The following CHD8 variants were observed in gnomAD, a reference collection of about 807,000 sequenced individuals.
CHD8 encodes the protein chromodomain helicase DNA binding protein 8, also known as ATP-dependent chromatin remodeler CHD8.
A neutral mutation model predicts 279.2 loss-of-function variants in CHD8; 31 were observed. The ratio of observed to expected loss-of-function variants is 0.11; its 90% CI spans 0.08 to 0.15. The LOEUF (loss-of-function observed/expected upper bound fraction) is 0.15, where lower values mean the gene tolerates loss of function less well. Ranked by LOEUF, CHD8 falls within the 10% of genes least tolerant of loss-of-function variation. CHD8 has a pLI of 1.00. For synonymous variants in CHD8, 1,081 were observed against 1,139.6 expected, an observed-to-expected ratio of 0.95 and a Z score of 1.04; for missense variants, 2,146 against 3,230.5, an observed-to-expected ratio of 0.66 and a Z score of 8.14.
At chr14:21,450,685 GA>G (rs35883887) in intron 1 of CHD8, among the ~76,000 whole-genome samples, 3,583 of 146,394 alleles carry the variant, frequency 0.024, 41 homozygotes, top group South Asian at 0.077. Flanking sequence ...CAGAAAAAAA[GA>G]AAAAAAAAAG....
At chr14:21,415,044 G>C in intron 7 of CHD8, 51 bp from the exon 8 acceptor site, 2 of 1,283,088 alleles carry the variant, frequency 1.6e-6, no homozygotes, top group Non-Finnish European at 2.2e-6. Flanking sequence ...GTAAAAGAAT[G>C]AACTTTTTAA....
chr14:21,434,261 T>C (rs1319424810), intron 1 of CHD8, among the ~76,000 whole-genome samples: 1 of 152,060 alleles, frequency 6.6e-6, no homozygotes, highest in Non-Finnish European at 1.5e-5. Flanking sequence ...GTCAGACTGG[T>C]CTCGGACTCT....
At chr14:21,444,703 T>C (rs1032332495) in intron 1 of CHD8, among the ~76,000 whole-genome samples, 1 of 151,832 alleles carries the variant, frequency 6.6e-6, no homozygotes, top group African/African-American at 2.4e-5. Context: ...AACCACTTTT[T>C]TAAAAAAAAA....
intron 1 of CHD8, chr14:21,437,207 G>GGGGGGCCGGTTCGCCCCTCTCC: frequency 8.5e-7 from 1 of 1,181,024 alleles, no homozygotes; most frequent in Non-Finnish European, 1.1e-6. Flanking sequence ...CAGTGGCTGT[G>GGGGGGCCGGTTCGCCCCTCTCC]GGGGGCCGGT....
At chr14:21,437,096 C>A in intron 1 of CHD8, 1 of 838,970 alleles carries the variant, frequency 1.2e-6, no homozygotes, top group South Asian at 1.5e-5. Flanking sequence ...GGGATAGGAG[C>A]AATGTTAGGG....
chr14:21,405,323 A>G lies in CHD8; in HGVS notation c.3193T>C (p.Leu1065=), dbSNP rs374551016. 6 of 1,609,796 alleles carry G rather than the reference A, an allele frequency of 3.7e-6. No homozygotes were observed. The highest frequency in any genetic ancestry group is 5.1e-6 in the Non-Finnish European group (6 of 1,177,702). ...NIQKKYYRAI[L]EKNFSFLSKG... is the part of the protein sequence containing the mutation. ...GAAAGGAAGGAGAAATTCTTCTCCAAAATAGCCCGATAGTATTTCTTCTGG... is the reference window on the plus strand; with the variant it reads ...GAAAGGAAGGAGAAATTCTTCTCCAGAATAGCCCGATAGTATTTCTTCTGG... The change falls in exon 16 of 38, where the codon TTG becomes CTG. Residue 1065 remains leucine (L), a synonymous_variant. Coordinates refer to ENST00000646647, the MANE Select transcript of CHD8 (RefSeq NM_001170629.2). The surrounding 1 kb of genome is among the most constrained non-coding windows in gnomAD (Gnocchi z 4.2).
chr14:21,385,874 G>A lies in CHD8; in HGVS notation c.7485C>T (p.His2495=). The part of the protein sequence containing the change: ...HVDSSTMLHH[H]HHHPHPHHHH... ...GATGGTGGGGGTGGGGGTGGTGGTG[G>A]TGGTGATGAAGCATGGTGCTGGAGT... is the stretch of plus-strand genomic sequence containing the variant. The change falls in exon 38 of 38, where the codon CAC becomes CAT. Residue 2495 remains histidine (H), a synonymous_variant. Coordinates refer to ENST00000646647, the MANE Select transcript of CHD8 (RefSeq NM_001170629.2). The A allele has an allele frequency of 4.5e-6, 7 of 1,550,458 alleles. No homozygotes were observed. Among genetic ancestry groups the A allele is most frequent in the Non-Finnish European group, 6.1e-6 (7 of 1,146,964 alleles).
At chr14:21,411,199 A>T (rs1428610569) in intron 10 of CHD8, among the ~76,000 whole-genome samples, 1 of 152,212 alleles carries the variant, frequency 6.6e-6, no homozygotes, top group South Asian at 2.1e-4. Flanking sequence ...ATCCTGAAAA[A>T]TGATAAGAAT....
chr14:21,394,463 C>G lies in CHD8; in HGVS notation c.5413G>C (p.Asp1805His). The G allele has an allele frequency of 6.2e-7, 1 of 1,604,092 alleles. No individual in the cohort carries two copies. Among genetic ancestry groups the G allele is most frequent in the South Asian group, 1.1e-5 (1 of 89,808 alleles). ...QQRWTRREQT[D>H]FYRVVSTFGV... ...AACGTAGACACCACTCGATAAAAAT[C>G]AGTTTGTTCACGCCTTGTCCATCTA... The change falls in exon 31 of 38, where the codon GAT becomes CAT. Residue 1805 changes from aspartate to histidine, a missense_variant. This residue lies in a region of CHD8 where 513 missense variants were observed against 637.6 expected (regional missense o/e 0.80). Coordinates refer to ENST00000646647, the MANE Select transcript of CHD8 (RefSeq NM_001170629.2).
chr14:21,391,005 T>A lies in CHD8; in HGVS notation c.7124A>T (p.Glu2375Val). ...TGGTTCCATTCCCAAACAGTTCAAT[T>A]CTGCCTTATTATTTTTTTTACATCT... is the stretch of plus-strand genomic sequence containing the variant. ...WQRCKKNNKA[E>V]LNCLGMEPVQ... is the part of the protein sequence containing the mutation. The change falls in exon 37 of 38, where the codon GAA (glutamate) becomes GTA (valine). Residue 2375 changes from glutamate to valine, a missense_variant. Coordinates refer to ENST00000646647, the MANE Select transcript of CHD8 (RefSeq NM_001170629.2). 6.2e-7 allele frequency: 1 copy of A among 1,606,002 alleles called. No individual in the cohort carries two copies. The highest frequency in any genetic ancestry group is 8.5e-7 in the Non-Finnish European group (1 of 1,175,974).
At position 21,431,466 on chromosome 14, in the gene CHD8, T is replaced by C; in HGVS notation, c.178A>G (p.Asn60Asp). 1 of 1,536,492 alleles carries C rather than the reference T, an allele frequency of 6.5e-7. No homozygotes were observed. Among genetic ancestry groups the C allele is most frequent in the Non-Finnish European group, 8.7e-7 (1 of 1,146,522 alleles). The change falls in exon 2 of 38, where the codon AAT (asparagine) becomes GAT (aspartate). Residue 60 changes from asparagine (N) to aspartate (D), a missense_variant. Coordinates refer to ENST00000646647, the MANE Select transcript of CHD8 (RefSeq NM_001170629.2). ...NQDGGGGDVG[N>D]SSASELVPPP... ...GGGACCAGTTCACTTGCTGATGAAT[T>C]CCCCACATCACCACCTCCACCATCC...
rs77869525 is a variant in CHD8 at position 21,405,065 on chromosome 14, G to C, written c.3307+144C>G. ...CAGGCTTAGAGTCTCTTTTTTAAAA[G>C]GAGAACCATTTCCCTCCCATTCCTC... is the stretch of plus-strand genomic sequence containing the variant. On this transcript the variant is annotated intron_variant, in intron 16 of 37. Transcript: ENST00000646647. The surrounding 1 kb of genome is among the most constrained non-coding windows in gnomAD (Gnocchi z 4.2). The C allele has an allele frequency of 2.8e-6, 2 of 716,830 alleles. No individual in the cohort carries two copies. The highest frequency in any genetic ancestry group is 4.5e-6 in the Non-Finnish European group (2 of 443,192). The allele number at this position is 716,830 out of a possible 1,614,324, so 44.4% of individuals were successfully genotyped here.
At chr14:21,452,599 G>A (rs937268312) in intron 1 of CHD8, among the ~76,000 whole-genome samples, 9 of 152,118 alleles carry the variant, frequency 5.9e-5, no homozygotes, top group East Asian at 3.9e-4. Context: ...AGCCGAGATC[G>A]CGCCACTGCG....
At chr14:21,454,785 G>T (rs1371756567) in intron 1 of CHD8, among the ~76,000 whole-genome samples, 1 of 152,074 alleles carries the variant, frequency 6.6e-6, no homozygotes, top group Non-Finnish European at 1.5e-5. Context: ...TTTAAGGGTT[G>T]GGATAATTCC....
intron 1 of CHD8, among the ~76,000 whole-genome samples, chr14:21,439,312 C>A (rs1320017544): frequency 6.6e-6 from 1 of 152,168 alleles, no homozygotes; most frequent in Non-Finnish European, 1.5e-5. Flanking sequence ...AATTACCACT[C>A]CTGTAAACAG....
chr14:21,389,302 G>GA (rs5807077), intron 37 of CHD8, among the ~76,000 whole-genome samples: 1,451 of 135,454 alleles, frequency 0.011, 19 homozygotes, highest in African/African-American at 0.033. Context: ...TCCGTCTCAG[G>GA]AAAAAAAAAA....
Position 21,395,843 on chromosome 14 carries a change from C to T in CHD8, c.5101G>A (p.Gly1701Ser). The change falls in exon 28 of 38, where the codon GGT becomes AGT. Residue 1701 changes from glycine (G) to serine (S), a missense_variant. Physicochemically the swap from Gly to Ser is moderately conservative, Grantham distance 56. Coordinates refer to ENST00000646647, the MANE Select transcript of CHD8 (RefSeq NM_001170629.2). ...TCATCATCTTGGTCCTTTGGGGGAC[C>T]TTGGAGTGGTTTATATTCAGGATCT... ...CEDPEYKPLQ[G>S]PPKDQDDEGD... 1 of 1,611,218 alleles carries T rather than the reference C, an allele frequency of 6.2e-7. No homozygotes were observed. The highest frequency in any genetic ancestry group is 1.7e-5 in the Admixed American group (1 of 59,910).
At chr14:21,452,996 GAAAACAA>G (rs1312110031) in intron 1 of CHD8, among the ~76,000 whole-genome samples, 1 of 149,392 alleles carries the variant, frequency 6.7e-6, no homozygotes, top group Admixed American at 6.6e-5. Context: ...AAAAAAAAAA[GAAAACAA>G]AAAACAAAGA....
At chr14:21,394,235 T>A in intron 31 of CHD8, 40 bp from the exon 32 acceptor site, 1 of 1,611,958 alleles carries the variant, frequency 6.2e-7, no homozygotes, top group Non-Finnish European at 8.5e-7. Flanking sequence ...CAGAGTTGCT[T>A]CTGTTGGCAT....
Sources: gnomAD v4.1 joint callset for allele counts (sites outside exome capture counted in the v4.1 genomes callset) on GRCh38, gnomAD v4.1.1 for gene constraint, gnomAD v4.1.1 regional missense constraint, Gnocchi (gnomAD v3.1) non-coding constraint, MANE v1.5 for transcripts, NCBI Gene and HGNC (gene_info 2026-07-23, HGNC 2026-07-21) for gene names.